USP34: variants seen among roughly 807,000 people sequenced by gnomAD.
USP34 encodes the protein ubiquitin carboxyl-terminal hydrolase 34.
Under a neutral mutation model 460.3 loss-of-function variants are expected in USP34, and 70 were observed. The observed-to-expected ratio is 0.15, with a 90% CI of 0.13 to 0.19. USP34 has a LOEUF of 0.19. Ranked by LOEUF, USP34 falls within the 10% of genes least tolerant of loss-of-function variation. The pLI is 1.00. For missense variants in USP34, 3,985 were observed against 4,236.2 expected, an observed-to-expected ratio of 0.94 and a Z score of 1.65; for synonymous variants, 1,647 against 1,405.3, an observed-to-expected ratio of 1.17 and a Z score of -3.85.
chr2:61,470,468 G>A (rs991714755), intron 1 of USP34, among the ~76,000 whole-genome samples, 182 bp downstream of exon 1: 16 of 148,936 alleles, frequency 1.1e-4, no homozygotes, highest in Admixed American at 2.0e-4. Flanking sequence ...AGGTAACCCG[G>A]CCGGGCTGGG....
At chr2:61,282,468 T>A (rs916109687) in intron 37 of USP34, among the ~76,000 whole-genome samples, 1 of 152,154 alleles carries the variant, frequency 6.6e-6, no homozygotes, top group African/African-American at 2.4e-5. Flanking sequence ...TTATTTGTAG[T>A]CTCTCTAGCC....
intron 70 of USP34, chr2:61,208,119 G>C (rs1252573346): frequency 2.6e-5 from 4 of 152,160 alleles, no homozygotes; most frequent in African/African-American, 9.7e-5. Context: ...AAAATATCTT[G>C]GGCCCCTTCA....
chr2:61,464,469 C>A (rs1359193129), intron 1 of USP34, among the ~76,000 whole-genome samples: 1 of 152,116 alleles, frequency 6.6e-6, no homozygotes, highest in Non-Finnish European at 1.5e-5. Flanking sequence ...ACTTTTTCAC[C>A]AAATGGTATT....
At position 61,241,584 on chromosome 2, in the gene USP34, A is replaced by T; in HGVS notation, c.6753T>A (p.Phe2251Leu). ...PEEENGREYK[F>L]DVSSELLEWI... ...CCTCTAGTAACTCTGACGAAACATC[A>T]AATTTGTATTCTCTGCCATTTTCTT... The change falls in exon 53 of 80, where the codon TTT becomes TTA. Residue 2251 changes from phenylalanine to leucine, a missense_variant. Coordinates refer to ENST00000398571, the MANE Select transcript of USP34 (RefSeq NM_014709.4). The T allele has an allele frequency of 6.2e-7, 1 of 1,609,594 alleles. No individual in the cohort carries two copies. The highest frequency in any genetic ancestry group is 8.5e-7 in the Non-Finnish European group (1 of 1,178,754).
intron 25 of USP34, among the ~76,000 whole-genome samples, chr2:61,313,262 T>C (rs1196062178): frequency 6.6e-6 from 1 of 152,052 alleles, no homozygotes; most frequent in Non-Finnish European, 1.5e-5. Context: ...AGAAAAAAAT[T>C]TGTACATCTG....
chr2:61,296,909 T>C lies in USP34; in HGVS notation c.4145A>G (p.Glu1382Gly), dbSNP rs1183390442. The change falls in exon 30 of 80, where the codon GAA becomes GGA. Residue 1382 changes from glutamate to glycine, a missense_variant. Transcript: ENST00000398571. ...VDDSESLRCE[E>G]LHLHAENLSR... ...CAGATTTTCTGCATGAAGATGAAGT[T>C]CTTCACATCGTAAGCTCTACACAAA... is the stretch of plus-strand genomic sequence containing the variant. The C allele has an allele frequency of 1.1e-5, 18 of 1,612,882 alleles. No individual in the cohort carries two copies. The highest frequency in any genetic ancestry group is 2.7e-5 in the African/African-American group (2 of 74,716).
At chr2:61,442,150 A>C (rs775555052) in intron 1 of USP34, among the ~76,000 whole-genome samples, 1 of 152,306 alleles carries the variant, frequency 6.6e-6, no homozygotes, top group East Asian at 1.9e-4. Flanking sequence ...TAACAAAACT[A>C]TAAGACTACT....
chr2:61,221,111 G>C (rs986293095), intron 66 of USP34, among the ~76,000 whole-genome samples: 2 of 152,154 alleles, frequency 1.3e-5, no homozygotes, highest in Non-Finnish European at 2.9e-5. Flanking sequence ...GCTGTCCCCT[G>C]GTCTTGAGCT....
chr2:61,336,005 A>C (rs529026439), intron 18 of USP34, among the ~76,000 whole-genome samples: 1 of 152,228 alleles, frequency 6.6e-6, no homozygotes, highest in South Asian at 2.1e-4. Context: ...CTAATCTAGG[A>C]CTCCATATTT....
intron 1 of USP34, among the ~76,000 whole-genome samples, chr2:61,423,181 T>C (rs1694412165): frequency 6.6e-6 from 1 of 152,236 alleles, no homozygotes; most frequent in Non-Finnish European, 1.5e-5. Context: ...TGGCACAATC[T>C]TGGCTCACTG....
intron 1 of USP34, among the ~76,000 whole-genome samples, chr2:61,462,787 C>A (rs566521648): frequency 3.3e-4 from 49 of 150,616 alleles, no homozygotes; most frequent in African/African-American, 1.0e-3. Context: ...CTTGAGCCCC[C>A]CAAGGCAGAG....
intron 25 of USP34, among the ~76,000 whole-genome samples, chr2:61,312,145 A>G (rs1303229520): frequency 2.0e-5 from 3 of 151,748 alleles, no homozygotes; most frequent in African/African-American, 4.8e-5. Context: ...TTACTGAGGA[A>G]AAAAAAAATC....
chr2:61,434,576 CT>C lies in USP34; in HGVS notation c.44-13744del, dbSNP rs548301205. Among the ~76,000 whole-genome samples, 5 of 152,328 alleles carry C rather than the reference CT, an allele frequency of 3.3e-5. No homozygotes were observed. The East Asian group carries it at 9.6e-4, about 29-fold the overall frequency. ...GAAACAGCCCAATGAGCCAACCCCC[CT>C]GGCAAAGCTGCACCACACACTTCCT... On this transcript the variant is annotated intron_variant, in intron 1 of 79. Coordinates refer to ENST00000398571, the MANE Select transcript of USP34 (RefSeq NM_014709.4).
intron 38 of USP34, 118 bp downstream of exon 38, chr2:61,280,972 G>T: frequency 9.0e-7 from 1 of 1,111,602 alleles, no homozygotes; most frequent in Non-Finnish European, 1.3e-6. Context: ...TATCCTCTTG[G>T]TAAAAAATCA....
rs369333817 is a variant in USP34, at chr2:61,343,870, G to A, written c.2445C>T (p.His815=). 3 of 1,613,950 alleles carry A rather than the reference G, an allele frequency of 1.9e-6. No individual in the cohort carries two copies. Among genetic ancestry groups the A allele is most frequent in the South Asian group, 2.2e-5 (2 of 91,080 alleles). ...CTAAATTGGGAAGATGTTGTTGGAG[G>A]TGAGATGTCAGTTCCGCATGTGAAT... ...QINSHAELTS[H]LQQHLPNLAS... is the part of the protein sequence containing the mutation. The change falls in exon 16 of 80, where the codon CAC becomes CAT. Residue 815 remains histidine (H), a synonymous_variant. Transcript: ENST00000398571.
At chr2:61,449,971 C>A (rs192937708) in intron 1 of USP34, among the ~76,000 whole-genome samples, 1 of 152,086 alleles carries the variant, frequency 6.6e-6, no homozygotes, top group African/African-American at 2.4e-5. Flanking sequence ...GAGGCTGAGG[C>A]TGGAGAATCA....
At chr2:61,386,510 GCCGGGCACGGTGGCTCACACCTGTAATC>G (rs1252487536) in intron 5 of USP34, among the ~76,000 whole-genome samples, 1 of 152,130 alleles carries the variant, frequency 6.6e-6, no homozygotes, top group Admixed American at 6.6e-5. Context: ...AACAACTTTG[GCCGGGCACGGTGGCTCACACCTGTAATC>G]CCAGCACTTT....
Position 61,232,334 on chromosome 2 carries a change from G to A in USP34, c.7113+118C>T, listed in dbSNP as rs116814842. 5.8e-3 allele frequency: 4,863 copies of A among 844,632 alleles called. 23 individuals carry two copies. Among genetic ancestry groups the A allele is most frequent in the Non-Finnish European group, 7.1e-3 (3,820 of 538,960 alleles). The allele number at this position is 844,632 out of a possible 1,614,324, so 52.3% of individuals were successfully genotyped here. A position where few individuals can be genotyped will look rare whatever the true frequency, so the allele number is the denominator to read the frequency against. ...AAAATGACTTTTATGATAGGAGGCA[G>A]ATCTTTTCAAACTATTATCAATATT... On this transcript the variant is annotated intron_variant, in intron 58 of 79. Coordinates refer to ENST00000398571, the MANE Select transcript of USP34 (RefSeq NM_014709.4).
At chr2:61,437,858 G>C (rs1011186699) in intron 1 of USP34, among the ~76,000 whole-genome samples, 1 of 151,522 alleles carries the variant, frequency 6.6e-6, no homozygotes, top group Admixed American at 6.6e-5. Flanking sequence ...GATTGAATCA[G>C]TAACAAAAAG....
Sources: gnomAD v4.1 joint callset for allele counts (sites outside exome capture counted in the v4.1 genomes callset) on GRCh38, gnomAD v4.1.1 for gene constraint, MANE v1.5 for transcripts, NCBI Gene and HGNC (gene_info 2026-07-23, HGNC 2026-07-21) for gene names.